The following TUBG2 variants were observed in gnomAD, a reference collection of about 807,000 sequenced individuals.
The protein encoded by TUBG2 is tubulin gamma 2.
TUBG2 carries 39 observed loss-of-function variants against 55.1 expected under a neutral mutation model. The observed-to-expected ratio is 0.71, with a 90% confidence interval of 0.55 to 0.93. The LOEUF (loss-of-function observed/expected upper bound fraction) is 0.93. Among genes scored for constraint, TUBG2 ranks in the 40% least tolerant of loss-of-function variants. The pLI, the probability that TUBG2 is intolerant of heterozygous loss-of-function variation, is 0.00. For synonymous variants in TUBG2, 223 were observed against 241.0 expected (o/e 0.93, Z 0.69); for missense variants, 358 against 599.1 (o/e 0.60, Z 4.20).
At chr17:42,663,292 C>A in intron 5 of TUBG2, 85 bp from the exon 6 acceptor site, 1 of 1,580,174 alleles carries the variant, frequency 6.3e-7, no homozygotes, top group Non-Finnish European at 8.6e-7. Flanking sequence ...GTTCTGCCCT[C>A]ACCCCTTTTG....
At position 42,660,317 on chromosome 17, in the gene TUBG2, G is replaced by T. The variant is rs1423622903; in HGVS notation, c.330+1G>T. ...CAACTGGGCCAGCGGATTCTCCCAG[G>T]TGTCCTAGCGACCATTCCAGAGACC... is the stretch of plus-strand genomic sequence containing the variant. On this transcript the variant is annotated splice_donor_variant, in intron 3 of 10. Transcript: ENST00000251412. LOFTEE classifies it high-confidence loss of function. The T allele has an allele frequency of 6.2e-7, 1 of 1,614,090 alleles. No homozygotes were observed. The highest frequency in any genetic ancestry group is 8.5e-7 in the Non-Finnish European group (1 of 1,180,040).
intron 4 of TUBG2, 91 bp from the exon 5 acceptor site, chr17:42,662,882 G>T (rs1160118537): frequency 1.6e-5 from 21 of 1,274,574 alleles, no homozygotes; most frequent in Non-Finnish European, 2.2e-5. Flanking sequence ...TACCTGATGT[G>T]TGTGGTAAGA....
Position 42,666,840 on chromosome 17 carries a change from C to T in TUBG2, c.*40C>T. 2.5e-6 allele frequency: 4 copies of T among 1,609,250 alleles called. No homozygotes were observed. Among genetic ancestry groups the T allele is most frequent in the Non-Finnish European group, 3.4e-6 (4 of 1,176,256 alleles). On this transcript the variant is annotated 3_prime_UTR_variant, in exon 11 of 11. Coordinates refer to ENST00000251412, the MANE Select transcript of TUBG2 (RefSeq NM_016437.3). The stretch of plus-strand genomic sequence containing the variant: ...ACTCCTTCTCCTTCTAGATGGTAAC[C>T]ACAGCCTCGACCATGCCTGCTCCCT...
Position 42,663,504 on chromosome 17 carries a change from G to C in TUBG2, c.606+1G>C. Reference sequence around the variant, plus strand: ...GCTGACGCAGAACGCAGATTGTGTGGTGAGCAAAGAAAGAGTTGAGGGGCT... The same window carrying C: ...GCTGACGCAGAACGCAGATTGTGTGCTGAGCAAAGAAAGAGTTGAGGGGCT... On this transcript the variant is annotated splice_donor_variant, in intron 6 of 10. Transcript: ENST00000251412. LOFTEE classifies it high-confidence loss of function. 6.2e-7 allele frequency: 1 copy of C among 1,613,894 alleles called. No homozygotes were observed. The highest frequency in any genetic ancestry group is 1.1e-5 in the South Asian group (1 of 91,086).
rs2052563849 is a variant in TUBG2, at chr17:42,666,946, C to T, written c.*146C>T. On this transcript the variant is annotated 3_prime_UTR_variant, in exon 11 of 11. Transcript: ENST00000251412. The stretch of plus-strand genomic sequence containing the variant: ...CTGGTCCTGCTTCCTCCCTTCCATG[C>T]CCTAACTTTTAATATGCTTGTTCAG... The T allele has an allele frequency of 2.8e-5, 22 of 773,438 alleles. No homozygotes were observed. In the South Asian group the frequency reaches 3.4e-4, roughly 12 times the overall value. The allele number at this position is 773,438 out of a possible 1,614,324, so 47.9% of individuals were successfully genotyped here. A position where few individuals can be genotyped will look rare whatever the true frequency, so the allele number is the denominator to read the frequency against.
In TUBG2 at chr17:42,665,723, G is replaced by A. The variant is rs1479132434; in HGVS notation, c.739G>A (p.Gly247Ser). ...SASTTTLRYP[G>S]YMNNDLIGLI... ...CAGCACCACCACCCTGCGCTACCCC[G>A]GCTACATGAACAATGACCTCATCGG... The change falls in exon 8 of 11, where the codon GGC becomes AGC. Residue 247 changes from glycine to serine, a missense_variant. By Grantham distance (56) the Gly-to-Ser change is moderately conservative (BLOSUM62 0). This residue lies in a region of TUBG2 where 129 missense variants were observed against 251.6 expected (regional missense o/e 0.51). Coordinates refer to ENST00000251412, the MANE Select transcript of TUBG2 (RefSeq NM_016437.3). 5 of 1,614,044 alleles carry A rather than the reference G, an allele frequency of 3.1e-6. No homozygotes were observed. The highest frequency in any genetic ancestry group is 4.2e-6 in the Non-Finnish European group (5 of 1,180,026).
At position 42,666,849 on chromosome 17, in the gene TUBG2, G is replaced by A. The variant is rs754647781; in HGVS notation, c.*49G>A. ...CCTTCTAGATGGTAACCACAGCCTC[G>A]ACCATGCCTGCTCCCTCTGACCCAG... On this transcript the variant is annotated 3_prime_UTR_variant, in exon 11 of 11. Transcript: ENST00000251412. The A allele has an allele frequency of 1.0e-5, 16 of 1,599,958 alleles. No individual in the cohort carries two copies. The highest frequency in any genetic ancestry group is 2.2e-5 in the South Asian group (2 of 90,058).
At chr17:42,664,846 T>TTATATTTATATATATATATATATATTATA in intron 6 of TUBG2, among the ~76,000 whole-genome samples, 1 of 42,312 alleles carries the variant, frequency 2.4e-5, no homozygotes, top group African/African-American at 1.2e-4. Flanking sequence ...TATTTTTTAT[T>TTATATTTATATATATATATATATATTATA]TATATTTATA....
rs2052444417 is a variant in TUBG2, at chr17:42,663,613, G to C, written c.606+110G>C. 2.2e-6 allele frequency: 3 copies of C among 1,371,950 alleles called. No homozygotes were observed. In the South Asian group the frequency reaches 4.1e-5, roughly 19 times the overall value. The allele number at this position is 1,371,950 out of a possible 1,614,324, so 85.0% of individuals were successfully genotyped here. A position where few individuals can be genotyped will look rare whatever the true frequency, so the allele number is the denominator to read the frequency against. ...GCTTGAGCTCAGGAGTTCAATACTA[G>C]CCTGGGCAACATGTGAAACCCTATC... On this transcript the variant is annotated intron_variant, in intron 6 of 10. Coordinates refer to ENST00000251412, the MANE Select transcript of TUBG2 (RefSeq NM_016437.3).
chr17:42,666,032 C>G, intron 8 of TUBG2, 55 bp from the exon 9 acceptor site: 2 of 1,611,502 alleles, frequency 1.2e-6, no homozygotes, highest in South Asian at 2.2e-5. Flanking sequence ...CAAAGAGAAG[C>G]CAAAGGGACT....
At chr17:42,660,777 G>GA (rs1275035182) in intron 4 of TUBG2, 70 bp downstream of exon 4, 1 of 1,368,846 alleles carries the variant, frequency 7.3e-7, no homozygotes, top group East Asian at 2.4e-5. Flanking sequence ...TCAGGAGGTG[G>GA]CCTGGATAGG....
chr17:42,663,345 G>T, intron 5 of TUBG2, 32 bp from the exon 6 acceptor site: 1 of 1,613,398 alleles, frequency 6.2e-7, no homozygotes, highest in Non-Finnish European at 8.5e-7. Context: ...GGTCCTTCCG[G>T]TTCACTATGC....
chr17:42,660,289 C>T lies in TUBG2; in HGVS notation c.303C>T (p.Gly101=). The T allele has an allele frequency of 1.2e-6, 2 of 1,614,108 alleles. No homozygotes were observed. Among genetic ancestry groups the T allele is most frequent in the Non-Finnish European group, 1.7e-6 (2 of 1,179,998 alleles). Residue 101 remains glycine (G), a synonymous_variant, in exon 3 of 11, where the codon GGC becomes GGT. Coordinates refer to ENST00000251412, the MANE Select transcript of TUBG2 (RefSeq NM_016437.3). ...TGTCGGAACATGGAGGAGGAGCTGG[C>T]AACAACTGGGCCAGCGGATTCTCCC... ...IYLSEHGGGA[G]NNWASGFSQG...
Position 42,666,930 on chromosome 17 carries a change from C to A in TUBG2, c.*130C>A. The A allele has an allele frequency of 1.1e-6, 1 of 881,646 alleles. No individual in the cohort carries two copies. Among genetic ancestry groups the A allele is most frequent in the Non-Finnish European group, 1.7e-6 (1 of 573,308 alleles). The allele number at this position is 881,646 out of a possible 1,614,324, so 54.6% of individuals were successfully genotyped here. A position where few individuals can be genotyped will look rare whatever the true frequency, so the allele number is the denominator to read the frequency against. On this transcript the variant is annotated 3_prime_UTR_variant, in exon 11 of 11. Transcript: ENST00000251412. ...ATCTCCAGCCCGTGAGCTGGTCCTG[C>A]TTCCTCCCTTCCATGCCCTAACTTT...
At chr17:42,661,580 A>G (rs1326346999) in intron 4 of TUBG2, among the ~76,000 whole-genome samples, 1 of 152,186 alleles carries the variant, frequency 6.6e-6, no homozygotes, top group African/African-American at 2.4e-5. Context: ...AAAAGGACTG[A>G]GTTTGGGGGC....
chr17:42,663,269 C>T, intron 5 of TUBG2, 108 bp from the exon 6 acceptor site: 2 of 1,514,576 alleles, frequency 1.3e-6, no homozygotes, highest in South Asian at 1.3e-5. Context: ...TCCTTTTTGG[C>T]TCTGAAGACT....
intron 4 of TUBG2, chr17:42,660,994 A>G: frequency 2.8e-6 from 1 of 356,406 alleles, no homozygotes; most frequent in Non-Finnish European, 5.3e-6. Flanking sequence ...AAGCTTTGAG[A>G]CATTGGCGTT....
At chr17:42,664,145 A>C (rs1286718938) in intron 6 of TUBG2, among the ~76,000 whole-genome samples, 1 of 151,726 alleles carries the variant, frequency 6.6e-6, no homozygotes, top group African/African-American at 2.4e-5. Context: ...GCATGGTGGC[A>C]TGTGCCTGTA....
In TUBG2 at chr17:42,659,495, T is replaced by C; in HGVS notation, c.-9T>C. The C allele has an allele frequency of 6.4e-7, 1 of 1,550,532 alleles. No individual in the cohort carries two copies. The highest frequency in any genetic ancestry group is 8.7e-7 in the Non-Finnish European group (1 of 1,147,744). Reference sequence around the variant, plus strand: ...AGGCCGGGGCTGGCGCGCCCACGTCTGAAGAGCGATGCCCCGGGAGATCAT... The same window carrying C: ...AGGCCGGGGCTGGCGCGCCCACGTCCGAAGAGCGATGCCCCGGGAGATCAT... On this transcript the variant is annotated 5_prime_UTR_variant, in exon 1 of 11. Coordinates refer to ENST00000251412, the MANE Select transcript of TUBG2 (RefSeq NM_016437.3).
Sources: allele counts gnomAD v4.1 joint callset (sites outside exome capture counted in the v4.1 genomes callset), GRCh38; gene constraint gnomAD v4.1.1; regional missense constraint gnomAD v4.1.1; transcripts MANE v1.5; gene names NCBI Gene and HGNC (gene_info 2026-07-23, HGNC 2026-07-21).